The following RAB3GAP1 variants were observed in gnomAD, a reference collection of about 807,000 sequenced individuals.
The protein encoded by RAB3GAP1 is RAB3 GTPase activating protein catalytic subunit 1, also known as rab3 GTPase-activating protein catalytic subunit.
RAB3GAP1 carries 86 observed loss-of-function variants against 130.7 expected under a neutral mutation model. The ratio of observed to expected loss-of-function variants is 0.66; its 90% CI spans 0.55 to 0.79. The LOEUF is 0.79. RAB3GAP1 is among the 30% of genes least tolerant of loss of function. The pLI is 0.00. For missense variants in RAB3GAP1, 1,029 were observed against 1,169.4 expected (o/e 0.88, Z 1.75); for synonymous variants, 367 against 401.7 (o/e 0.91, Z 1.03).
At chr2:135,093,546 C>A in intron 4 of RAB3GAP1, 69 bp from the exon 5 acceptor site, 1 of 1,187,542 alleles carries the variant, frequency 8.4e-7, no homozygotes, top group Non-Finnish European at 1.3e-6. Context: ...TGTGTTTCCT[C>A]AAAGCATGTT....
chr2:135,154,422 C>T (rs531024962), intron 19 of RAB3GAP1, among the ~76,000 whole-genome samples: 2 of 152,114 alleles, frequency 1.3e-5, no homozygotes, highest in Non-Finnish European at 2.9e-5. Flanking sequence ...CCTCCACCCC[C>T]CCAAGAAAAT....
At position 135,058,093 on chromosome 2, in the gene RAB3GAP1, T is replaced by C; in HGVS notation, c.150+7T>C. 1 of 1,601,492 alleles carries C rather than the reference T, an allele frequency of 6.2e-7. No homozygotes were observed. Among genetic ancestry groups the C allele is most frequent in the Non-Finnish European group, 8.6e-7 (1 of 1,168,664 alleles). ...GGGAAAGCCACTCGAAAAGGTCAGATCTATTTGCTGGTGTCTCTAAATGAC... is the reference window on the plus strand; with the variant it reads ...GGGAAAGCCACTCGAAAAGGTCAGACCTATTTGCTGGTGTCTCTAAATGAC... On this transcript the variant is annotated splice_region_variant and intron_variant, in intron 3 of 23. Transcript: ENST00000264158.
intron 5 of RAB3GAP1, among the ~76,000 whole-genome samples, chr2:135,106,615 C>T (rs575076771): frequency 9.2e-5 from 14 of 152,048 alleles, no homozygotes; most frequent in African/African-American, 2.9e-4. Context: ...ACAAACACTG[C>T]GGAAGGCCGC....
At position 135,113,413 on chromosome 2, in the gene RAB3GAP1, G is replaced by T. The variant is rs1341660671; in HGVS notation, c.482+143G>T. The T allele has an allele frequency of 3.8e-6, 4 of 1,057,994 alleles. No homozygotes were observed. The Admixed American group carries it at 6.1e-5, about 16-fold the overall frequency. 65.5% of individuals were successfully genotyped at this position (1,057,994 alleles called of 1,614,324 possible). ...ATTGTTAAACTAAATTTGACTTGAG[G>T]TTACCTCTGTATCCGCTCCCTATTT... On this transcript the variant is annotated intron_variant, in intron 6 of 23. Coordinates refer to ENST00000264158, the MANE Select transcript of RAB3GAP1 (RefSeq NM_012233.3).
chr2:135,092,196 TTAAGAG>T (rs1426331832), intron 4 of RAB3GAP1, among the ~76,000 whole-genome samples: 2 of 152,108 alleles, frequency 1.3e-5, no homozygotes, highest in African/African-American at 4.8e-5. Flanking sequence ...TATGAGAACT[TTAAGAG>T]GAAGAGGGAA....
intron 17 of RAB3GAP1, among the ~76,000 whole-genome samples, chr2:135,145,035 GTT>G (rs1250431944): frequency 6.6e-6 from 1 of 152,098 alleles, no homozygotes; most frequent in African/African-American, 2.4e-5. Context: ...TACTAACAGA[GTT>G]TTGCTTAATA....
At chr2:135,072,843 A>C (rs140017136) in intron 3 of RAB3GAP1, among the ~76,000 whole-genome samples, 1 of 152,312 alleles carries the variant, frequency 6.6e-6, no homozygotes, top group Non-Finnish European at 1.5e-5. Context: ...TTTGTATTAC[A>C]TGTTGCTGTG....
chr2:135,097,572 T>C (rs991963046), intron 5 of RAB3GAP1, among the ~76,000 whole-genome samples: 1 of 152,150 alleles, frequency 6.6e-6, no homozygotes, highest in South Asian at 2.1e-4. Flanking sequence ...TCTTGGTCAC[T>C]ATAGTTTTGT....
intron 5 of RAB3GAP1, among the ~76,000 whole-genome samples, chr2:135,107,975 CAAAAAAAAAAAA>C (rs59782185): frequency 1.9e-5 from 1 of 51,952 alleles, no homozygotes; most frequent in Non-Finnish European, 4.5e-5. Flanking sequence ...AACTCCATCT[CAAAAAAAAAAAA>C]AAAAAAAAAA....
At chr2:135,148,668 CTT>C (rs60407802) in intron 17 of RAB3GAP1, among the ~76,000 whole-genome samples, 1,688 of 113,070 alleles carry the variant, frequency 0.015, 34 homozygotes, top group African/African-American at 0.052. Context: ...ATTTTTGTAT[CTT>C]TTTTTTTTTT....
chr2:135,104,798 A>G (rs932164641), intron 5 of RAB3GAP1, among the ~76,000 whole-genome samples: 1 of 152,202 alleles, frequency 6.6e-6, no homozygotes, highest in African/African-American at 2.4e-5. Context: ...CTGAGATAGG[A>G]GAATCACTTG....
rs200528853 is a variant in RAB3GAP1 at position 135,157,950 on chromosome 2, AAGTG to A, written c.2289+4078_2289+4081del. On this transcript the variant is annotated intron_variant, in intron 19 of 23. Transcript: ENST00000264158. ...TTTTAGATGTATTATTGGTTGGGTG[AAGTG>A]AGTAACTAAATATGTTGGTGGTGTT... Among the ~76,000 whole-genome samples, 294 of 152,172 alleles carry A rather than the reference AAGTG, an allele frequency of 1.9e-3. 3 individuals carry two copies. Among genetic ancestry groups the A allele is most frequent in the African/African-American group, 6.9e-3 (288 of 41,512 alleles).
intron 7 of RAB3GAP1, among the ~76,000 whole-genome samples, chr2:135,117,621 G>GCTT (rs1558784525): frequency 1.9e-4 from 3 of 15,866 alleles, no homozygotes; most frequent in Non-Finnish European, 3.0e-4. Context: ...TTCTGCTTCT[G>GCTT]CTTCTTCTGC....
intron 14 of RAB3GAP1, 46 bp downstream of exon 14, chr2:135,133,030 A>C (rs1691590627): frequency 1.8e-6 from 2 of 1,106,796 alleles, no homozygotes; most frequent in Non-Finnish European, 2.8e-6. Flanking sequence ...AAATGCACTG[A>C]ATTTCTAGAG....
rs1558766436 is a variant in RAB3GAP1 at position 135,081,330 on chromosome 2, ATATATATATATATAT to A, written c.151-9667_151-9653del. Among the ~76,000 whole-genome samples the A allele has an allele frequency of 4.4e-3, 334 of 75,450 alleles. 4 individuals are homozygous for A. The highest frequency in any genetic ancestry group is 0.014 in the Middle Eastern group (1 of 72). The allele number at this position is 75,450 out of a possible 152,430, so 49.5% of individuals were successfully genotyped here. Reference sequence around the variant, plus strand: ...TCAAAAAAAAAAAAAAAAAAAAAATATATATATATATATATATATATATATATATATACACACACG... The same window carrying A: ...TCAAAAAAAAAAAAAAAAAAAAAATAATATATATATATATATACACACACG... On this transcript the variant is annotated intron_variant, in intron 3 of 23. Transcript: ENST00000264158.
intron 17 of RAB3GAP1, among the ~76,000 whole-genome samples, chr2:135,137,547 C>A (rs1315261063): frequency 6.6e-6 from 1 of 152,114 alleles, no homozygotes; most frequent in African/African-American, 2.4e-5. Context: ...GAAGATAAAT[C>A]TTTTGACTCC....
chr2:135,161,508 AG>A lies in RAB3GAP1; in HGVS notation c.2290-1046del, dbSNP rs568405371. On this transcript the variant is annotated intron_variant, in intron 19 of 23. Transcript: ENST00000264158. Reference sequence around the variant, plus strand: ...GCTACATATGTGAAAAAAACCATAAAGAAAAGCAAAAGAATGATTTGTAGTT... The same window carrying A: ...GCTACATATGTGAAAAAAACCATAAAAAAAGCAAAAGAATGATTTGTAGTT... Among the ~76,000 whole-genome samples the A allele has an allele frequency of 3.0e-4, 46 of 152,302 alleles. No homozygotes were observed. The East Asian group carries it at 6.2e-3, about 20-fold the overall frequency.
In RAB3GAP1 at chr2:135,078,899, G is replaced by A. The variant is rs145279744; in HGVS notation, c.151-12099G>A. ...TTCTCTTTTTTTGAGACGGAGTCTC[G>A]CTCTGTCGCCCAGGCTGGAGTGCAG... On this transcript the variant is annotated intron_variant, in intron 3 of 23. Coordinates refer to ENST00000264158, the MANE Select transcript of RAB3GAP1 (RefSeq NM_012233.3). Among the ~76,000 whole-genome samples, 86 of 151,870 alleles carry A rather than the reference G, an allele frequency of 5.7e-4. 1 individual carries two copies. The East Asian group carries it at 0.011, about 20-fold the overall frequency.
chr2:135,136,602 C>T, intron 17 of RAB3GAP1: 2 of 560,888 alleles, frequency 3.6e-6, no homozygotes, highest in Non-Finnish European at 5.5e-6. Context: ...AGTGAATGCT[C>T]AGATGTTTAA....
Sources: gnomAD v4.1 joint callset for allele counts (sites outside exome capture counted in the v4.1 genomes callset) on GRCh38, gnomAD v4.1.1 for gene constraint, MANE v1.5 for transcripts, NCBI Gene and HGNC (gene_info 2026-07-23, HGNC 2026-07-21) for gene names.